Variants in PIP5K1B observed in about 807,000 individuals in gnomAD.
PIP5K1B encodes phosphatidylinositol 4-phosphate 5-kinase type-1 beta.
In PIP5K1B, 42 loss-of-function variants were observed where a neutral mutation model predicts 67.0. The ratio of observed to expected loss-of-function variants is 0.63; its 90% CI spans 0.49 to 0.81. The LOEUF is 0.81. Ranked by LOEUF, PIP5K1B falls within the 30% of genes least tolerant of loss-of-function variation. The pLI is 0.00. For synonymous variants in PIP5K1B, 214 were observed against 231.4 expected (o/e 0.92, Z 0.68); for missense variants, 459 against 646.3 (o/e 0.71, Z 3.14).
chr9:68,902,482 T>C (rs1825412876), intron 8 of PIP5K1B, among the ~76,000 whole-genome samples: 1 of 152,218 alleles, frequency 6.6e-6, no homozygotes, highest in Non-Finnish European at 1.5e-5. Context: ...TTTCTTGGTA[T>C]GGATGTATCA....
intron 1 of PIP5K1B, among the ~76,000 whole-genome samples, chr9:68,719,827 G>A (rs1194470057): frequency 6.6e-6 from 1 of 152,168 alleles, no homozygotes; most frequent in Non-Finnish European, 1.5e-5. Flanking sequence ...CAAACATGAT[G>A]CATCATTTCA....
intron 4 of PIP5K1B, among the ~76,000 whole-genome samples, chr9:68,852,519 T>G (rs1822544175): frequency 6.6e-6 from 1 of 152,154 alleles, no homozygotes; most frequent in Admixed American, 6.6e-5. Flanking sequence ...GACCTCACTC[T>G]CAAACCTCCG....
intron 15 of PIP5K1B, among the ~76,000 whole-genome samples, chr9:68,995,715 G>C (rs976680984): frequency 2.0e-5 from 3 of 150,636 alleles, no homozygotes; most frequent in African/African-American, 7.3e-5. Context: ...TGAGGCAGGA[G>C]AATGGCTTGA....
intron 4 of PIP5K1B, among the ~76,000 whole-genome samples, chr9:68,862,804 A>AAAAT (rs895935030): frequency 1.4e-4 from 18 of 125,256 alleles, no homozygotes; most frequent in South Asian, 2.6e-4. Context: ...AAAAAAATAA[A>AAAAT]AAATAAATAA....
intron 1 of PIP5K1B, chr9:68,739,945 C>G (rs551600326): frequency 6.6e-6 from 1 of 152,356 alleles, no homozygotes; most frequent in South Asian, 2.1e-4. Context: ...GGGCAGGGAA[C>G]AAGCTACCCA....
At chr9:68,790,199 T>C (rs561168333) in intron 2 of PIP5K1B, among the ~76,000 whole-genome samples, 2 of 152,286 alleles carry the variant, frequency 1.3e-5, no homozygotes, top group Non-Finnish European at 2.9e-5. Context: ...TCCCCAGAGG[T>C]AGAGATTTAA....
chr9:68,756,031 C>T (rs1458824777), intron 2 of PIP5K1B, among the ~76,000 whole-genome samples: 1 of 152,194 alleles, frequency 6.6e-6, no homozygotes, highest in Non-Finnish European at 1.5e-5. Flanking sequence ...TGATTACAGA[C>T]TATTAACAGT....
intron 2 of PIP5K1B, among the ~76,000 whole-genome samples, chr9:68,751,331 C>CTT (rs1036535316): frequency 3.5e-4 from 53 of 152,306 alleles, no homozygotes; most frequent in African/African-American, 1.2e-3. Flanking sequence ...CTTGTCATTT[C>CTT]TTTCTAAAGC....
chr9:68,864,476 C>A (rs141634363), intron 5 of PIP5K1B, among the ~76,000 whole-genome samples: 14 of 152,262 alleles, frequency 9.2e-5, no homozygotes, highest in African/African-American at 3.1e-4. Flanking sequence ...CTGCTGTTTG[C>A]AAAAATACCA....
chr9:68,927,731 GT>G (rs1826787868), intron 12 of PIP5K1B, among the ~76,000 whole-genome samples: 1 of 152,038 alleles, frequency 6.6e-6, no homozygotes, highest in Non-Finnish European at 1.5e-5. Flanking sequence ...TTTTTTGATA[GT>G]GTCTTTTGAA....
intron 15 of PIP5K1B, among the ~76,000 whole-genome samples, chr9:68,993,162 CA>C (rs34827003): frequency 8.9e-4 from 130 of 145,822 alleles, no homozygotes; most frequent in Non-Finnish European, 8.9e-4. Flanking sequence ...ACTCCGTCTC[CA>C]AAAAAAAAAA....
chr9:68,936,673 C>T (rs879751335), intron 13 of PIP5K1B, among the ~76,000 whole-genome samples: 1 of 152,116 alleles, frequency 6.6e-6, no homozygotes, highest in Non-Finnish European at 1.5e-5. Context: ...TCTTTCTCAT[C>T]TTCCCATAAA....
At chr9:68,859,351 A>G (rs1473389339) in intron 4 of PIP5K1B, among the ~76,000 whole-genome samples, 2 of 152,208 alleles carry the variant, frequency 1.3e-5, no homozygotes, top group Non-Finnish European at 2.9e-5. Context: ...GTTTGCCTTT[A>G]TGATGTTATA....
intron 1 of PIP5K1B, among the ~76,000 whole-genome samples, chr9:68,736,602 C>A (rs536353024): frequency 6.6e-6 from 1 of 152,292 alleles, no homozygotes; most frequent in African/African-American, 2.4e-5. Context: ...AGGGAGAATC[C>A]ATTTCCTTGC....
At chr9:68,971,656 G>C (rs954791962) in intron 14 of PIP5K1B, among the ~76,000 whole-genome samples, 1 of 152,200 alleles carries the variant, frequency 6.6e-6, no homozygotes, top group Admixed American at 6.5e-5. Flanking sequence ...TCCAGCATCT[G>C]TTGTTTCCTG....
At chr9:68,797,390 A>G (rs189714867) in intron 2 of PIP5K1B, among the ~76,000 whole-genome samples, 35 of 152,370 alleles carry the variant, frequency 2.3e-4, no homozygotes, top group Admixed American at 3.3e-4. Flanking sequence ...AGAACAGAGT[A>G]TATTCTAGGA....
intron 14 of PIP5K1B, among the ~76,000 whole-genome samples, chr9:68,971,131 C>T (rs1272971371): frequency 6.6e-6 from 1 of 152,142 alleles, no homozygotes; most frequent in East Asian, 1.9e-4. Context: ...AGGTAATTCT[C>T]CTAATGATAG....
chr9:68,982,094 TTGA>T (rs1311264837), intron 14 of PIP5K1B, among the ~76,000 whole-genome samples: 1 of 152,216 alleles, frequency 6.6e-6, no homozygotes, highest in Admixed American at 6.5e-5. Flanking sequence ...GTGGCAAAAC[TTGA>T]TGGTGCAGAA....
At chr9:68,988,372 CTTAATA>C (rs1830183409) in intron 14 of PIP5K1B, among the ~76,000 whole-genome samples, 1 of 148,716 alleles carries the variant, frequency 6.7e-6, no homozygotes, top group Non-Finnish European at 1.5e-5. Context: ...ATTTGATACA[CTTAATA>C]TTAGGAAAGA....
Sources: gnomAD v4.1 joint callset for allele counts (sites outside exome capture counted in the v4.1 genomes callset) on GRCh38, gnomAD v4.1.1 for gene constraint, MANE v1.5 for transcripts, NCBI Gene and HGNC (gene_info 2026-07-23, HGNC 2026-07-21) for gene names.